Variants in EML4 observed in about 807,000 individuals in gnomAD.
The protein encoded by EML4 is EMAP like 4.
In EML4, 72 loss-of-function variants were observed where a neutral mutation model predicts 129.0. The ratio of observed to expected loss-of-function variants is 0.56; its 90% CI spans 0.46 to 0.68. The LOEUF (loss-of-function observed/expected upper bound fraction) is 0.68. Among genes scored for constraint, EML4 ranks in the 30% least tolerant of loss-of-function variants. The pLI, the probability that EML4 is intolerant of heterozygous loss-of-function variation, is 0.00. For missense variants in EML4, 1,363 were observed against 1,190.6 expected, an observed-to-expected ratio of 1.14 and a Z score of -2.13; for synonymous variants, 532 against 405.0, an observed-to-expected ratio of 1.31 and a Z score of -3.77.
At chr2:42,310,725 C>G (rs1199584787) in intron 17 of EML4, among the ~76,000 whole-genome samples, 2 of 152,340 alleles carry the variant, frequency 1.3e-5, no homozygotes, top group East Asian at 3.9e-4. Context: ...ATTTATTTGG[C>G]CATCATGGTG....
chr2:42,187,249 A>T (rs543707753), intron 1 of EML4, among the ~76,000 whole-genome samples: 1 of 151,282 alleles, frequency 6.6e-6, no homozygotes, highest in Non-Finnish European at 1.5e-5. Context: ...GGGTTTTGCC[A>T]TGTTGCCCAG....
At chr2:42,237,677 T>C (rs764933757) in intron 1 of EML4, among the ~76,000 whole-genome samples, 2 of 152,206 alleles carry the variant, frequency 1.3e-5, no homozygotes, top group African/African-American at 2.4e-5. Context: ...TCACATATTT[T>C]TGTGTATTAC....
At chr2:42,256,068 T>C (rs140684977) in intron 2 of EML4, among the ~76,000 whole-genome samples, 5 of 152,340 alleles carry the variant, frequency 3.3e-5, no homozygotes, top group East Asian at 1.9e-4. Context: ...TATATACTTA[T>C]GCTTTATTTG....
intron 1 of EML4, among the ~76,000 whole-genome samples, chr2:42,227,821 A>G (rs1674072689): frequency 6.6e-6 from 1 of 152,238 alleles, no homozygotes; most frequent in Non-Finnish European, 1.5e-5. Context: ...TTATAAAACT[A>G]TAGAATATAT....
intron 1 of EML4, among the ~76,000 whole-genome samples, chr2:42,214,010 C>G (rs1350108267): frequency 6.6e-6 from 1 of 152,114 alleles, no homozygotes; most frequent in East Asian, 1.9e-4. Flanking sequence ...TTGTGTATAT[C>G]AAATATTATG....
chr2:42,215,754 AAAG>A (rs947853317), intron 1 of EML4, among the ~76,000 whole-genome samples: 10 of 152,190 alleles, frequency 6.6e-5, no homozygotes, highest in African/African-American at 2.4e-4. Flanking sequence ...TAGAAAATAT[AAAG>A]AATCTTTATT....
intron 1 of EML4, among the ~76,000 whole-genome samples, chr2:42,190,173 T>C (rs949487145): frequency 7.9e-5 from 12 of 152,224 alleles, no homozygotes; most frequent in African/African-American, 2.9e-4. Flanking sequence ...ACTTAAGCTT[T>C]AGACTATTTG....
intron 1 of EML4, among the ~76,000 whole-genome samples, chr2:42,193,467 CAG>C (rs1477110903): frequency 8.5e-5 from 13 of 152,278 alleles, no homozygotes; most frequent in African/African-American, 3.1e-4. Flanking sequence ...TTTAGACTGA[CAG>C]TGGAAAATTT....
intron 11 of EML4, among the ~76,000 whole-genome samples, chr2:42,293,521 G>A (rs1232193847): frequency 6.6e-6 from 1 of 151,908 alleles, no homozygotes; most frequent in African/African-American, 2.4e-5. Flanking sequence ...GGAAAAAAAA[G>A]AATTTACAAC....
intron 1 of EML4, 41 bp downstream of exon 1, chr2:42,169,677 AG>A: frequency 6.3e-7 from 1 of 1,589,174 alleles, no homozygotes; most frequent in Non-Finnish European, 8.6e-7. Context: ...TGCGAAGGGT[AG>A]GAACTTTTTT....
At chr2:42,295,663 A>G (rs1035593273) in intron 13 of EML4, 147 bp downstream of exon 13, 3 of 629,070 alleles carry the variant, frequency 4.8e-6, no homozygotes, top group East Asian at 2.9e-5. Context: ...ATTCTTCATA[A>G]TCTTTTTTTA....
At chr2:42,227,362 C>T (rs7577049) in intron 1 of EML4, among the ~76,000 whole-genome samples, 1,869 of 152,190 alleles carry the variant, frequency 0.012, 38 homozygotes, top group African/African-American at 0.043. Flanking sequence ...CCACCTCAGC[C>T]CCGCAAAGTG....
intron 17 of EML4, among the ~76,000 whole-genome samples, chr2:42,312,522 T>C (rs1417108495): frequency 6.6e-6 from 1 of 151,784 alleles, no homozygotes; most frequent in Non-Finnish European, 1.5e-5. Flanking sequence ...CCCAGACAAT[T>C]CCTTTCTACT....
At chr2:42,233,326 A>G (rs1462958863) in intron 1 of EML4, among the ~76,000 whole-genome samples, 1 of 147,094 alleles carries the variant, frequency 6.8e-6, no homozygotes, top group Admixed American at 6.8e-5. Flanking sequence ...TTTTTTTTTT[A>G]ATGGAGTCTC....
At chr2:42,292,067 C>T (rs1275713627) in intron 11 of EML4, among the ~76,000 whole-genome samples, 2 of 152,198 alleles carry the variant, frequency 1.3e-5, no homozygotes, top group African/African-American at 4.8e-5. Context: ...GCCATATTAT[C>T]TCTTCAGTTC....
chr2:42,265,162 C>G (rs1348076772), intron 6 of EML4, among the ~76,000 whole-genome samples: 1 of 152,124 alleles, frequency 6.6e-6, no homozygotes, highest in African/African-American at 2.4e-5. Flanking sequence ...GCAATCTCGG[C>G]TTACTGCAAT....
chr2:42,285,233 C>T lies in EML4; in HGVS notation c.1011+530C>T, dbSNP rs2103627214. 1.3e-5 allele frequency among the ~76,000 whole-genome samples: 2 copies of T among 152,184 alleles called. 1 individual carries two copies. The highest frequency in any genetic ancestry group is 4.2e-4 in the South Asian group (2 of 4,818). ...GGCTAACTCTTGATTTTATGTGTGA[C>T]TAGAACTGATACAACTTAAAGAGTT... On this transcript the variant is annotated intron_variant, in intron 9 of 22. Transcript: ENST00000318522.
At chr2:42,216,291 G>A (rs1248505754) in intron 1 of EML4, among the ~76,000 whole-genome samples, 2 of 126,102 alleles carry the variant, frequency 1.6e-5, no homozygotes, top group Non-Finnish European at 3.2e-5. Flanking sequence ...CACCCAGGCT[G>A]GAGTGCAGTG....
intron 17 of EML4, among the ~76,000 whole-genome samples, chr2:42,315,085 A>C (rs769953567): frequency 6.6e-6 from 1 of 151,742 alleles, no homozygotes; most frequent in Non-Finnish European, 1.5e-5. Context: ...ATGGCTTGCT[A>C]CTGTTCCCTC....
Sources: gnomAD v4.1 joint callset for allele counts (sites outside exome capture counted in the v4.1 genomes callset) on GRCh38, gnomAD v4.1.1 for gene constraint, MANE v1.5 for transcripts, NCBI Gene and HGNC (gene_info 2026-07-23, HGNC 2026-07-21) for gene names.